U2SURP: variants seen among roughly 807,000 people sequenced by gnomAD.
The protein encoded by U2SURP is U2 snRNP associated SURP domain containing, also known as U2 snRNP-associated SURP motif-containing protein.
A neutral mutation model predicts 144.9 loss-of-function variants in U2SURP; 9 were observed. The observed-to-expected ratio is 0.06, with a 90% CI of 0.04 to 0.11. The LOEUF is 0.11. Among genes scored for constraint, U2SURP ranks in the 10% least tolerant of loss-of-function variants. U2SURP has a pLI of 1.00. For synonymous variants in U2SURP, 408 were observed against 396.8 expected (o/e 1.03, Z -0.33); for missense variants, 724 against 1,226.7 (o/e 0.59, Z 6.12).
chr3:143,053,527 A>AT (rs1934992081), intron 25 of U2SURP, 149 bp from the exon 26 acceptor site: 1 of 505,296 alleles, frequency 2.0e-6, no homozygotes, highest in Admixed American at 4.6e-5. Context: ...GTTTCCCTGA[A>AT]GGGGTAGATT....
intron 1 of U2SURP, among the ~76,000 whole-genome samples, chr3:143,008,436 G>C (rs1935954353): frequency 6.6e-6 from 1 of 152,228 alleles, no homozygotes; most frequent in Middle Eastern, 3.2e-3. Flanking sequence ...GTGAACTTTA[G>C]AATTGTTTTG....
intron 24 of U2SURP, among the ~76,000 whole-genome samples, chr3:143,045,282 T>A (rs984855647): frequency 4.8e-5 from 7 of 147,330 alleles, no homozygotes; most frequent in African/African-American, 1.8e-4. Flanking sequence ...GGCAGGAGAA[T>A]GGTGTGGACC....
At chr3:143,011,465 A>G (rs774364155) in intron 2 of U2SURP, among the ~76,000 whole-genome samples, 8 of 152,164 alleles carry the variant, frequency 5.3e-5, no homozygotes, top group Non-Finnish European at 1.2e-4. Flanking sequence ...ACTATTTTGT[A>G]ATAATACTAA....
rs749632638 is a variant in U2SURP at position 143,001,623 on chromosome 3, C to G, written c.-6C>G. Reference sequence around the variant, plus strand: ...TGCCGCCGCCGAAGGAGGGGCAAAGCTCAAGATGGCGGACAAAACGCCAGG... The same window carrying G: ...TGCCGCCGCCGAAGGAGGGGCAAAGGTCAAGATGGCGGACAAAACGCCAGG... On this transcript the variant is annotated 5_prime_UTR_variant, in exon 1 of 28. Transcript: ENST00000473835. 3.1e-6 allele frequency: 5 copies of G among 1,613,860 alleles called. No homozygotes were observed. Among genetic ancestry groups the G allele is most frequent in the Non-Finnish European group, 4.2e-6 (5 of 1,179,888 alleles).
intron 5 of U2SURP, 109 bp from the exon 6 acceptor site, chr3:143,016,733 A>G (rs1936386239): frequency 1.1e-6 from 1 of 927,266 alleles, no homozygotes. Context: ...GTTAATAGTG[A>G]TACATCTTAA....
intron 1 of U2SURP, among the ~76,000 whole-genome samples, chr3:143,007,748 CAGG>C (rs1210419132): frequency 6.6e-6 from 1 of 152,030 alleles, no homozygotes; most frequent in African/African-American, 2.4e-5. Flanking sequence ...CGGCCGACTT[CAGG>C]AGATCTTTAG....
intron 4 of U2SURP, among the ~76,000 whole-genome samples, chr3:143,015,454 TATAAAGAA>T (rs748086744): frequency 2.0e-5 from 3 of 152,082 alleles, no homozygotes; most frequent in African/African-American, 4.8e-5. Context: ...ATTACCAGCT[TATAAAGAA>T]ATTTCCTCAT....
chr3:143,025,597 TA>T (rs1933098071), intron 13 of U2SURP, among the ~76,000 whole-genome samples: 1 of 152,184 alleles, frequency 6.6e-6, no homozygotes, highest in Non-Finnish European at 1.5e-5. Flanking sequence ...ATAATGTCAT[TA>T]ACCATATGAA....
In U2SURP at chr3:143,034,979, C is replaced by A; in HGVS notation, c.1941+4C>A. On this transcript the variant is annotated splice_donor_region_variant and intron_variant, in intron 19 of 27. Coordinates refer to ENST00000473835, the MANE Select transcript of U2SURP (RefSeq NM_001080415.2). ...TTTACAATCTGAAAACTTTAAGGTA[C>A]GTTTATTGTTTTACTATTTTTGCCC... is the stretch of plus-strand genomic sequence containing the variant. The A allele has an allele frequency of 1.5e-6, 2 of 1,377,746 alleles. No individual in the cohort carries two copies. The highest frequency in any genetic ancestry group is 1.6e-5 in the African/African-American group (1 of 60,938). 85.3% of individuals were successfully genotyped at this position (1,377,746 alleles called of 1,614,324 possible). A position where few individuals can be genotyped will look rare whatever the true frequency, so the allele number is the denominator to read the frequency against.
At chr3:143,011,980 T>A in intron 2 of U2SURP, 1 of 615,930 alleles carries the variant, frequency 1.6e-6, no homozygotes, top group Non-Finnish European at 3.0e-6. Context: ...AACGAACCTG[T>A]TACTTCAAGG....
chr3:143,033,911 G>A (rs1197309267), intron 18 of U2SURP, among the ~76,000 whole-genome samples: 3 of 152,108 alleles, frequency 2.0e-5, no homozygotes, highest in Admixed American at 6.5e-5. Context: ...ATAACAAATA[G>A]GTGTTAAAGA....
At chr3:143,020,744 C>A in intron 8 of U2SURP, 51 bp downstream of exon 8, 3 of 1,373,378 alleles carry the variant, frequency 2.2e-6, no homozygotes, top group Admixed American at 3.7e-5. Flanking sequence ...TACAGTAGTT[C>A]CCACCTTATC....
rs367684045 is a variant in U2SURP, at chr3:143,033,060, T to C, written c.1773+114T>C. Reference sequence around the variant, plus strand: ...ATGAGATTTTTCCCATGCAGTCTTATGTTATTTCTGCTTGGAAATTTAGGT... The same window carrying C: ...ATGAGATTTTTCCCATGCAGTCTTACGTTATTTCTGCTTGGAAATTTAGGT... On this transcript the variant is annotated intron_variant, in intron 17 of 27. Transcript: ENST00000473835. 167 of 1,217,472 alleles carry C rather than the reference T, an allele frequency of 1.4e-4. 2 individuals are homozygous for C. Among genetic ancestry groups the C allele is most frequent in the South Asian group, 1.1e-3 (74 of 65,804 alleles). The allele number at this position is 1,217,472 out of a possible 1,614,324, so 75.4% of individuals were successfully genotyped here.
In U2SURP at chr3:143,001,598, T is replaced by C. The variant is rs573249900; in HGVS notation, c.-31T>C. The stretch of plus-strand genomic sequence containing the variant: ...TCGGTGCTCGACTCGCCCGTGCTGC[T>C]GCCGCCGCCGAAGGAGGGGCAAAGC... On this transcript the variant is annotated 5_prime_UTR_variant, in exon 1 of 28. Transcript: ENST00000473835. The C allele has an allele frequency of 1.2e-6, 2 of 1,613,380 alleles. No homozygotes were observed. The highest frequency in any genetic ancestry group is 1.7e-6 in the Non-Finnish European group (2 of 1,179,732).
chr3:143,053,556 T>G (rs1934995261), intron 25 of U2SURP, 120 bp from the exon 26 acceptor site: 4 of 750,168 alleles, frequency 5.3e-6, no homozygotes, highest in Non-Finnish European at 8.1e-6. Context: ...TTTAATAGTA[T>G]TGTACCTTAA....
intron 1 of U2SURP, among the ~76,000 whole-genome samples, chr3:143,007,367 C>T (rs1935894173): frequency 1.3e-5 from 2 of 151,706 alleles, no homozygotes; most frequent in African/African-American, 4.9e-5. Context: ...GAGCAGTCGT[C>T]CCACCTCAGC....
intron 1 of U2SURP, 110 bp downstream of exon 1, chr3:143,001,783 C>A: frequency 2.1e-6 from 3 of 1,439,628 alleles, no homozygotes; most frequent in East Asian, 2.5e-5. Context: ...GCATTCTAGT[C>A]GCGACGGTAG....
chr3:143,027,209 T>A lies in U2SURP; in HGVS notation c.1335T>A (p.Phe445Leu). Reference protein sequence around the residue: ...IEFVVREGPMFEAMIMNREIN... With the variant: ...IEFVVREGPMLEAMIMNREIN... The stretch of plus-strand genomic sequence containing the variant: ...TTGTTGTACGTGAAGGGCCAATGTT[T>A]GAAGCTATGATTATGAACAGAGAAA... Residue 445 changes from phenylalanine (F) to leucine (L), a missense_variant, in exon 14 of 28, where the codon TTT (phenylalanine) becomes TTA (leucine). Phe to Leu is a conservative substitution (Grantham distance 22). This residue lies in a region of U2SURP where 64 missense variants were observed against 164.1 expected (regional missense o/e 0.39). Transcript: ENST00000473835. 6.2e-7 allele frequency: 1 copy of A among 1,613,122 alleles called. No homozygotes were observed. Among genetic ancestry groups the A allele is most frequent in the Non-Finnish European group, 8.5e-7 (1 of 1,179,228 alleles).
At position 143,032,885 on chromosome 3, in the gene U2SURP, A is replaced by G; in HGVS notation, c.1712A>G (p.Glu571Gly). The change falls in exon 17 of 28, where the codon GAA becomes GGA. Residue 571 changes from glutamate to glycine, a missense_variant. Physicochemically the swap from Glu to Gly is moderately conservative, Grantham distance 98. Transcript: ENST00000473835. ...VFCLNNAEAA[E>G]EIVDCITESL... ...TGTCTTAATAATGCTGAAGCTGCTG[A>G]AGAAATAGTGGATTGCATTACTGAG... is the stretch of plus-strand genomic sequence containing the variant. The G allele has an allele frequency of 6.2e-7, 1 of 1,613,782 alleles. No individual in the cohort carries two copies. Among genetic ancestry groups the G allele is most frequent in the Non-Finnish European group, 8.5e-7 (1 of 1,179,770 alleles).
Sources: allele counts gnomAD v4.1 joint callset (sites outside exome capture counted in the v4.1 genomes callset), GRCh38; gene constraint gnomAD v4.1.1; regional missense constraint gnomAD v4.1.1; transcripts MANE v1.5; gene names NCBI Gene and HGNC (gene_info 2026-07-23, HGNC 2026-07-21).